Variants in PRKG1 observed in about 807,000 individuals in gnomAD.
PRKG1 encodes the protein cGMP-dependent protein kinase 1.
A neutral mutation model predicts 88.1 loss-of-function variants in PRKG1; 35 were observed. The observed-to-expected ratio is 0.40, with a 90% confidence interval of 0.30 to 0.53. PRKG1 has a LOEUF of 0.53. Ranked by LOEUF, PRKG1 falls within the 20% of genes least tolerant of loss-of-function variation. The probability of loss-of-function intolerance (pLI) is 0.59; values close to 1 mark genes in which losing one functional copy is unlikely to be tolerated. For missense variants in PRKG1, 540 were observed against 839.8 expected (o/e 0.64, Z 4.41); for synonymous variants, 303 against 292.5 (o/e 1.04, Z -0.37).
intron 2 of PRKG1, among the ~76,000 whole-genome samples, chr10:51,297,687 A>G (rs1051301264): frequency 6.6e-6 from 1 of 151,204 alleles, no homozygotes; most frequent in Non-Finnish European, 1.5e-5. Context: ...TGTACAATCT[A>G]ATTATTCACT....
intron 3 of PRKG1, among the ~76,000 whole-genome samples, chr10:51,802,205 T>TAA (rs1839190764): frequency 6.6e-6 from 1 of 152,182 alleles, no homozygotes; most frequent in Non-Finnish European, 1.5e-5. Context: ...TTATTAGTCA[T>TAA]GCTTGTCCAT....
At chr10:51,676,738 A>G (rs1840720920) in intron 3 of PRKG1, among the ~76,000 whole-genome samples, 1 of 152,160 alleles carries the variant, frequency 6.6e-6, no homozygotes, top group Non-Finnish European at 1.5e-5. Flanking sequence ...GCCAGAAACC[A>G]TTTGCTGTGG....
chr10:51,889,041 C>T (rs1841645402), intron 4 of PRKG1, among the ~76,000 whole-genome samples: 1 of 146,878 alleles, frequency 6.8e-6, no homozygotes, highest in South Asian at 2.2e-4. Context: ...TTTGCAGAGC[C>T]CTCCACTTAA....
chr10:51,806,177 C>T (rs1589303066), intron 4 of PRKG1, among the ~76,000 whole-genome samples: 1 of 152,138 alleles, frequency 6.6e-6, no homozygotes, highest in East Asian at 1.9e-4. Flanking sequence ...AAGATTACAA[C>T]TGGTAATCAA....
chr10:51,657,492 A>G (rs1264504307), intron 3 of PRKG1, among the ~76,000 whole-genome samples: 3 of 152,148 alleles, frequency 2.0e-5, no homozygotes, highest in Admixed American at 6.6e-5. Flanking sequence ...GCAATCTCTG[A>G]GCACCTGTCT....
intron 1 of PRKG1, among the ~76,000 whole-genome samples, chr10:51,007,196 C>T (rs754311566): frequency 3.3e-5 from 5 of 151,952 alleles, no homozygotes; most frequent in East Asian, 1.9e-4. Flanking sequence ...CCACCCACTT[C>T]GGCCTCCTAA....
Position 51,693,669 on chromosome 10 carries a change from T to A in PRKG1, c.593-110916T>A, listed in dbSNP as rs555203958. On this transcript the variant is annotated intron_variant, in intron 3 of 17. Transcript: ENST00000373980. ...TGCCCACCTCAGCCTCCCAAAGTGC[T>A]GGGATTACAGGTATAAGCCACCATG... 2.0e-5 allele frequency among the ~76,000 whole-genome samples: 3 copies of A among 152,248 alleles called. No individual in the cohort carries two copies. The South Asian group carries it at 6.2e-4, about 32-fold the overall frequency.
chr10:51,623,477 C>G (rs1839260414), intron 3 of PRKG1, among the ~76,000 whole-genome samples: 1 of 152,220 alleles, frequency 6.6e-6, no homozygotes, highest in Non-Finnish European at 1.5e-5. Context: ...GCTGGGATTA[C>G]AGATAGACAT....
intron 4 of PRKG1, among the ~76,000 whole-genome samples, chr10:51,844,215 G>A (rs1391375958): frequency 6.6e-6 from 1 of 152,070 alleles, no homozygotes; most frequent in Non-Finnish European, 1.5e-5. Flanking sequence ...TCTAATGATA[G>A]GTTTCTGAGG....
intron 8 of PRKG1, among the ~76,000 whole-genome samples, chr10:52,149,605 G>A (rs778745639): frequency 1.1e-4 from 17 of 152,092 alleles, no homozygotes; most frequent in South Asian, 4.2e-4. Context: ...TGAGGATGCC[G>A]TGAGTAGGGG....
chr10:51,701,056 T>G (rs544020800), intron 3 of PRKG1, among the ~76,000 whole-genome samples: 2 of 152,306 alleles, frequency 1.3e-5, no homozygotes, highest in East Asian at 3.9e-4. Context: ...AATTTTATAT[T>G]TTTTATAAGT....
intron 2 of PRKG1, among the ~76,000 whole-genome samples, chr10:51,433,086 T>C (rs1443710613): frequency 6.6e-6 from 1 of 152,150 alleles, no homozygotes; most frequent in Non-Finnish European, 1.5e-5. Flanking sequence ...AGTGGATTCT[T>C]GATGCATGTC....
intron 2 of PRKG1, among the ~76,000 whole-genome samples, chr10:51,213,891 C>G (rs181567016): frequency 5.3e-5 from 8 of 152,090 alleles, no homozygotes; most frequent in Admixed American, 5.2e-4. Flanking sequence ...TGAGATATTT[C>G]TAGCATCTTG....
chr10:51,563,764 CCAAA>C (rs2132153875), intron 3 of PRKG1, among the ~76,000 whole-genome samples: 1 of 152,038 alleles, frequency 6.6e-6, no homozygotes, highest in South Asian at 2.1e-4. Flanking sequence ...TCAGAAGAAC[CCAAA>C]CAAATACTAA....
At chr10:51,534,666 C>CAAA (rs10626534) in intron 3 of PRKG1, among the ~76,000 whole-genome samples, 16,309 of 120,052 alleles carry the variant, frequency 0.14, 1,759 homozygotes, top group African/African-American at 0.3. Context: ...GACTCTGTCT[C>CAAA]AAAAAAAAAA....
chr10:51,170,986 G>A (rs572499438), intron 2 of PRKG1, among the ~76,000 whole-genome samples: 37 of 152,246 alleles, frequency 2.4e-4, no homozygotes, highest in African/African-American at 7.2e-4. Context: ...ATATCAGCTA[G>A]AAAGCTATTA....
rs528194261 is a variant in PRKG1, at chr10:51,317,906, C to T, written c.479-149817C>T. 3.3e-5 allele frequency among the ~76,000 whole-genome samples: 5 copies of T among 152,234 alleles called. No individual in the cohort carries two copies. In the East Asian group the frequency reaches 9.6e-4, roughly 29 times the overall value. The stretch of plus-strand genomic sequence containing the variant: ...TAACCACAGTCTTTCCTGTAATGGG[C>T]ATTTGTACCTGCCATTCTTTTTCTT... On this transcript the variant is annotated intron_variant, in intron 2 of 17. Transcript: ENST00000373980.
At chr10:51,007,866 A>T (rs1179576339) in intron 1 of PRKG1, among the ~76,000 whole-genome samples, 1 of 152,224 alleles carries the variant, frequency 6.6e-6, no homozygotes, top group Non-Finnish European at 1.5e-5. Flanking sequence ...ACTTTGTGCA[A>T]GGTACTTTAT....
At chr10:51,128,523 C>G (rs1431610720) in intron 1 of PRKG1, among the ~76,000 whole-genome samples, 2 of 152,036 alleles carry the variant, frequency 1.3e-5, no homozygotes, top group African/African-American at 2.4e-5. Context: ...TCCTAATTTA[C>G]AAAGTAAAGG....
Sources: allele counts gnomAD v4.1 joint callset (sites outside exome capture counted in the v4.1 genomes callset), GRCh38; gene constraint gnomAD v4.1.1; transcripts MANE v1.5; gene names NCBI Gene and HGNC (gene_info 2026-07-23, HGNC 2026-07-21).